Variants in THOC5 observed in about 807,000 individuals in gnomAD.
THOC5 encodes THO complex subunit 5.
In THOC5, 43 loss-of-function variants were observed where a neutral mutation model predicts 92.9. The observed-to-expected ratio is 0.46, with a 90% confidence interval of 0.36 to 0.60. THOC5 has a LOEUF of 0.60. THOC5 is among the 20% of genes least tolerant of loss of function. The probability of loss-of-function intolerance (pLI) is 0.00; values close to 1 mark genes in which losing one functional copy is unlikely to be tolerated. For missense variants in THOC5, 659 were observed against 849.4 expected (o/e 0.78, Z 2.79); for synonymous variants, 296 against 320.1 (o/e 0.92, Z 0.80).
chr22:29,531,795 C>T (rs2063660025), intron 8 of THOC5, 36 bp downstream of exon 8: 1 of 1,600,854 alleles, frequency 6.2e-7, no homozygotes. Flanking sequence ...CTGCTGCTCC[C>T]ATAGCCCCTT....
At chr22:29,516,247 T>C (rs1232885868) in intron 17 of THOC5, among the ~76,000 whole-genome samples, 1 of 151,678 alleles carries the variant, frequency 6.6e-6, no homozygotes. Context: ...TAAAGTGGGA[T>C]AGGGAGGCCT....
intron 7 of THOC5, among the ~76,000 whole-genome samples, chr22:29,533,078 C>T (rs2063688191): frequency 6.6e-6 from 1 of 152,198 alleles, no homozygotes; most frequent in Admixed American, 6.6e-5. Flanking sequence ...ATGTGAATGT[C>T]AATGGCCTGG....
chr22:29,519,160 A>C, intron 14 of THOC5, 40 bp from the exon 15 acceptor site: 1 of 1,388,026 alleles, frequency 7.2e-7, no homozygotes, highest in Non-Finnish European at 1.0e-6. Context: ...GTGCTCCCCC[A>C]TCCCTTCCTC....
At chr22:29,532,470 C>A (rs569153849) in intron 7 of THOC5, among the ~76,000 whole-genome samples, 1 of 151,712 alleles carries the variant, frequency 6.6e-6, no homozygotes, top group South Asian at 2.1e-4. Flanking sequence ...TCAAGACCAG[C>A]CTGACGGACA....
chr22:29,525,817 C>T (rs371377199), intron 12 of THOC5, 21 bp downstream of exon 12: 104 of 1,600,092 alleles, frequency 6.5e-5, no homozygotes, highest in Admixed American at 4.7e-4. Context: ...CACGTCATTG[C>T]CCAGAGCGCC....
rs948448652 is a variant in THOC5 at position 29,520,115 on chromosome 22, G to C, written c.1278-11C>G. 1 of 1,611,796 alleles carries C rather than the reference G, an allele frequency of 6.2e-7. No homozygotes were observed. Among genetic ancestry groups the C allele is most frequent in the Non-Finnish European group, 8.5e-7 (1 of 1,178,362 alleles). ...CTCAAAGTCAGGATGCTGCAGAAAA[G>C]AAGATAAATAAAATTGTGCTGTAAG... On this transcript the variant is annotated splice_polypyrimidine_tract_variant and intron_variant, in intron 13 of 19. Coordinates refer to ENST00000490103, the MANE Select transcript of THOC5 (RefSeq NM_003678.5).
At chr22:29,551,735 G>A (rs1337927319) in intron 1 of THOC5, among the ~76,000 whole-genome samples, 1 of 151,676 alleles carries the variant, frequency 6.6e-6, no homozygotes, top group Non-Finnish European at 1.5e-5. Context: ...TGACAACAGA[G>A]ATCCCGTTGC....
intron 6 of THOC5, 46 bp downstream of exon 6, chr22:29,539,284 G>A (rs765917262): frequency 1.3e-6 from 2 of 1,597,314 alleles, no homozygotes; most frequent in East Asian, 4.5e-5. Context: ...TCATGACAAA[G>A]CACTGACACT....
At chr22:29,532,402 G>A (rs2063673060) in intron 7 of THOC5, among the ~76,000 whole-genome samples, 1 of 152,224 alleles carries the variant, frequency 6.6e-6, no homozygotes, top group Non-Finnish European at 1.5e-5. Flanking sequence ...AGTGGCTCAC[G>A]CCTGTAATCT....
At chr22:29,509,992 C>T (rs2063193961) in intron 19 of THOC5, among the ~76,000 whole-genome samples, 1 of 152,238 alleles carries the variant, frequency 6.6e-6, no homozygotes, top group African/African-American at 2.4e-5. Flanking sequence ...CAGATTATCA[C>T]TCTTCTTCCT....
chr22:29,508,530 T>TAGGATCCTGCTAGGACCCCTAGAGAAAC lies in THOC5; in HGVS notation c.1989-11_1989-10insGTTTCTCTAGGGGTCCTAGCAGGATCCT. 1 of 1,612,056 alleles carries TAGGATCCTGCTAGGACCCCTAGAGAAAC rather than the reference T, an allele frequency of 6.2e-7. No homozygotes were observed. On this transcript the variant is annotated splice_polypyrimidine_tract_variant and intron_variant, in intron 19 of 19. Coordinates refer to ENST00000490103, the MANE Select transcript of THOC5 (RefSeq NM_003678.5). Reference sequence around the variant, plus strand: ...CATCCTGCTAGGACCCCTAGAGAAATAGGAGAACGGAGTTGTTAATAACAC... The same window carrying TAGGATCCTGCTAGGACCCCTAGAGAAAC: ...CATCCTGCTAGGACCCCTAGAGAAATAGGATCCTGCTAGGACCCCTAGAGAAACAGGAGAACGGAGTTGTTAATAACAC...
chr22:29,543,429 C>T lies in THOC5; in HGVS notation c.354G>A (p.Glu118=), dbSNP rs775733519. ...RLKKGRDQTH[E]AKQKVDAYHL... is the part of the protein sequence containing the mutation. ...TAAAATTAAACCTTTTAACTACTAC[C>T]TCGTGGGTCTGATCTCTTCCTTTCT... The change falls in exon 4 of 20, where the codon GAG becomes GAA. Residue 118 remains glutamate (E), a splice_region_variant and synonymous_variant. Coordinates refer to ENST00000490103, the MANE Select transcript of THOC5 (RefSeq NM_003678.5). 4 of 1,609,502 alleles carry T rather than the reference C, an allele frequency of 2.5e-6. No individual in the cohort carries two copies. The highest frequency in any genetic ancestry group is 3.4e-6 in the Non-Finnish European group (4 of 1,176,506).
chr22:29,512,040 C>A lies in THOC5; in HGVS notation c.1778G>T (p.Ser593Ile). The A allele has an allele frequency of 6.2e-7, 1 of 1,614,068 alleles. No homozygotes were observed. Among genetic ancestry groups the A allele is most frequent in the Non-Finnish European group, 8.5e-7 (1 of 1,179,944 alleles). Residue 593 changes from serine (S) to isoleucine (I), a missense_variant, in exon 18 of 20, where the codon AGC (serine) becomes ATC (isoleucine). Coordinates refer to ENST00000490103, the MANE Select transcript of THOC5 (RefSeq NM_003678.5). ...TCTTACCCGAATGTTGTCATCGTTG[C>A]TGTTGGTTTTCTCCCCTTTCCAGTT... ...CLNWKGEKTN[S>I]NDDNIRAMEG... is the part of the protein sequence containing the mutation.
At chr22:29,545,581 G>A (rs1186287160) in intron 2 of THOC5, among the ~76,000 whole-genome samples, 6 of 152,186 alleles carry the variant, frequency 3.9e-5, no homozygotes, top group African/African-American at 7.2e-5. Flanking sequence ...AAACAAAGGC[G>A]TTACAGGGCC....
At position 29,536,690 on chromosome 22, in the gene THOC5, G is replaced by C. The variant is rs2063766607; in HGVS notation, c.648C>G (p.Leu216=). ...RECLSNKEKI[L]KEIEVKKEYL... is the part of the protein sequence containing the mutation. ...ACTCCTTCTTCACCTCAATCTCCTT[G>C]AGAATCTTCTCCTTGTTAGATAGGC... The change falls in exon 7 of 20, where the codon CTC becomes CTG. Residue 216 remains leucine (L), a synonymous_variant. Transcript: ENST00000490103. The C allele has an allele frequency of 2.5e-6, 4 of 1,613,750 alleles. No homozygotes were observed. The South Asian group carries it at 3.3e-5, about 13-fold the overall frequency.
In THOC5 at chr22:29,507,061, GTC is replaced by G. The variant is rs2063146844; in HGVS notation, c.*1394_*1395del. 1 of 152,108 alleles carries G rather than the reference GTC, an allele frequency of 6.6e-6. No individual in the cohort carries two copies. The highest frequency in any genetic ancestry group is 6.6e-5 in the Admixed American group (1 of 15,260). 9.4% of individuals were successfully genotyped at this position (152,108 alleles called of 1,614,324 possible). A position where few individuals can be genotyped will look rare whatever the true frequency, so the allele number is the denominator to read the frequency against. On this transcript the variant is annotated 3_prime_UTR_variant, in exon 20 of 20. Coordinates refer to ENST00000490103, the MANE Select transcript of THOC5 (RefSeq NM_003678.5). The stretch of plus-strand genomic sequence containing the variant: ...TTTTTAAATTTTTTGTAGATACAGG[GTC>G]TCTCACTACGTTGCCCAGGCTGGAC...
rs564231185 is a variant in THOC5 at position 29,552,358 on chromosome 22, G to A, written c.-12+1313C>T. On this transcript the variant is annotated intron_variant, in intron 1 of 19. Coordinates refer to ENST00000490103, the MANE Select transcript of THOC5 (RefSeq NM_003678.5). ...AAGTGAGGAGTGTCTCTGCCCGGCC[G>A]CCCATCATCTCAGATGTGGGGAGCA... Among the ~76,000 whole-genome samples, 52 of 151,420 alleles carry A rather than the reference G, an allele frequency of 3.4e-4. No homozygotes were observed. The East Asian group carries it at 9.4e-3, about 27-fold the overall frequency.
chr22:29,538,010 T>C (rs1302469349), intron 6 of THOC5, among the ~76,000 whole-genome samples: 1 of 152,118 alleles, frequency 6.6e-6, no homozygotes, highest in Admixed American at 6.5e-5. Context: ...TGAGACGGAG[T>C]CTCATTCTGT....
At chr22:29,539,700 A>G (rs2063839133) in intron 5 of THOC5, among the ~76,000 whole-genome samples, 1 of 152,198 alleles carries the variant, frequency 6.6e-6, no homozygotes, top group Admixed American at 6.5e-5. Flanking sequence ...CTTTTTACCC[A>G]TGAATTAAAG....
Sources: allele counts gnomAD v4.1 joint callset (sites outside exome capture counted in the v4.1 genomes callset), GRCh38; gene constraint gnomAD v4.1.1; transcripts MANE v1.5; gene names NCBI Gene and HGNC (gene_info 2026-07-23, HGNC 2026-07-21).